TTK: variants seen among roughly 807,000 people sequenced by gnomAD.
The protein encoded by TTK is dual specificity protein kinase TTK.
Under a neutral mutation model 117.3 loss-of-function variants are expected in TTK, and 59 were observed. The observed-to-expected ratio is 0.50, with a 90% CI of 0.41 to 0.62. The LOEUF (loss-of-function observed/expected upper bound fraction) is 0.62. TTK is among the 20% of genes least tolerant of loss of function. The probability of loss-of-function intolerance (pLI) is 0.00; values close to 1 mark genes in which losing one functional copy is unlikely to be tolerated. For synonymous variants in TTK, 302 were observed against 325.0 expected, an observed-to-expected ratio of 0.93 and a Z score of 0.76; for missense variants, 921 against 989.4, an observed-to-expected ratio of 0.93 and a Z score of 0.93.
rs1422850346 is a variant in TTK, at chr6:80,036,657, G to A, written c.2049+58G>A. 8.0e-6 allele frequency: 12 copies of A among 1,502,924 alleles called. No individual in the cohort carries two copies. The Admixed American group carries it at 2.7e-4, about 34-fold the overall frequency. The allele number at this position is 1,502,924 out of a possible 1,614,324, so 93.1% of individuals were successfully genotyped here. A position where few individuals can be genotyped will look rare whatever the true frequency, so the allele number is the denominator to read the frequency against. On this transcript the variant is annotated intron_variant, in intron 17 of 21. Transcript: ENST00000369798. ...GTTCAATTCTTTTTTTACCTGTGAA[G>A]TATTATATTGCAAATGAGTGTTATA...
chr6:80,034,950 G>A (rs1767855016), intron 14 of TTK, 35 bp from the exon 15 acceptor site: 2 of 1,421,774 alleles, frequency 1.4e-6, no homozygotes, highest in East Asian at 2.5e-5. Flanking sequence ...TGTATAAATA[G>A]TATATTCTAA....
intron 2 of TTK, 57 bp from the exon 3 acceptor site, chr6:80,007,752 C>A: frequency 1.4e-6 from 2 of 1,423,694 alleles, no homozygotes; most frequent in Admixed American, 2.2e-5. Flanking sequence ...AGGAAAAATG[C>A]AATTTGGCAT....
At chr6:80,039,673 G>A (rs3799493) in intron 18 of TTK, 23 bp from the exon 19 acceptor site, 73,716 of 1,476,088 alleles carry the variant, frequency 0.05, 2,159 homozygotes, top group South Asian at 0.11. Context: ...CAACTTTTTT[G>A]TGTTTGTTTG....
At chr6:80,015,020 A>G (rs930888620) in intron 10 of TTK, among the ~76,000 whole-genome samples, 1 of 152,200 alleles carries the variant, frequency 6.6e-6, no homozygotes, top group Non-Finnish European at 1.5e-5. Flanking sequence ...ACACAGAGAT[A>G]TATAAATGCA....
chr6:80,008,000 AG>A lies in TTK; in HGVS notation c.332del (p.Arg111LysfsTer4). The A allele has an allele frequency of 6.2e-7, 1 of 1,613,538 alleles. No homozygotes were observed. Among genetic ancestry groups the A allele is most frequent in the Non-Finnish European group, 8.5e-7 (1 of 1,179,568 alleles). On this transcript the variant is annotated frameshift_variant, in exon 3 of 22. Coordinates refer to ENST00000369798, the MANE Select transcript of TTK (RefSeq NM_003318.5). LOFTEE classifies it high-confidence loss of function. ...ATATGGCCAAAATGAGAGTTTTGCT[AG>A]AATTCAAGTGAGATTTGCTGAATTA... ...DKYGQNESFARIQVRFAELKA... is the reference protein window; with the variant it reads ...DKYGQNESFAXIQVRFAELKA...
chr6:80,029,300 A>G (rs1445973082), intron 13 of TTK, among the ~76,000 whole-genome samples: 1 of 152,312 alleles, frequency 6.6e-6, no homozygotes, highest in Non-Finnish European at 1.5e-5. Context: ...GTACCTAAAA[A>G]TGGTTAAAGT....
intron 2 of TTK, 32 bp from the exon 3 acceptor site, chr6:80,007,777 T>C (rs201128485): frequency 4.2e-4 from 657 of 1,557,744 alleles, no homozygotes; most frequent in Non-Finnish European, 5.3e-4. Flanking sequence ...TTTATGTCTT[T>C]TCTTGTGATA....
At chr6:80,028,606 C>G (rs907433178) in intron 13 of TTK, among the ~76,000 whole-genome samples, 1 of 152,122 alleles carries the variant, frequency 6.6e-6, no homozygotes, top group African/African-American at 2.4e-5. Flanking sequence ...GCATGAGCCA[C>G]TGCGCCTGGC....
chr6:80,014,591 G>A lies in TTK; in HGVS notation c.1108+5G>A, dbSNP rs774737358. 19 of 1,594,504 alleles carry A rather than the reference G, an allele frequency of 1.2e-5. No individual in the cohort carries two copies. Among genetic ancestry groups the A allele is most frequent in the Non-Finnish European group, 1.6e-5 (19 of 1,172,414 alleles). On this transcript the variant is annotated splice_donor_5th_base_variant and intron_variant, in intron 10 of 21. Coordinates refer to ENST00000369798, the MANE Select transcript of TTK (RefSeq NM_003318.5). ...GTCTTCTAGCTAAATTAGAAGGTAA[G>A]AGTAACAAAATCAGTAGACTTGTAT...
In TTK at chr6:80,042,317, C is replaced by CA. The variant is rs936770419; in HGVS notation, c.*123dup. 223 of 756,092 alleles carry CA rather than the reference C, an allele frequency of 2.9e-4. No individual in the cohort carries two copies. The highest frequency in any genetic ancestry group is 1.9e-3 in the African/African-American group (106 of 56,816). The allele number at this position is 756,092 out of a possible 1,614,324, so 46.8% of individuals were successfully genotyped here. ...CAACATCACTCTGAAGTGTTATCAGCAAAAAAAATTCAGTAGATTATCTTT... is the reference window on the plus strand; with the variant it reads ...CAACATCACTCTGAAGTGTTATCAGCAAAAAAAAATTCAGTAGATTATCTTT... On this transcript the variant is annotated 3_prime_UTR_variant, in exon 22 of 22. Coordinates refer to ENST00000369798, the MANE Select transcript of TTK (RefSeq NM_003318.5).
At chr6:80,038,119 AC>A in intron 18 of TTK, 72 bp downstream of exon 18, 1 of 1,073,528 alleles carries the variant, frequency 9.3e-7, no homozygotes, top group Non-Finnish European at 1.3e-6. Flanking sequence ...GAATAAACTT[AC>A]CAGATAACAA....
intron 11 of TTK, among the ~76,000 whole-genome samples, chr6:80,025,860 T>C (rs1372394109): frequency 3.3e-5 from 4 of 119,612 alleles, no homozygotes; most frequent in African/African-American, 1.3e-4. Context: ...CTATAGGTTC[T>C]TTTTTTTTTT....
At chr6:80,040,124 G>A (rs116965271) in intron 19 of TTK, 72 bp from the exon 20 acceptor site, 29,478 of 1,205,268 alleles carry the variant, frequency 0.024, 467 homozygotes, top group Non-Finnish European at 0.03. Context: ...ATGTAATCTG[G>A]AAAAATACTT....
chr6:80,037,406 A>G (rs1211730649), intron 17 of TTK: 1 of 152,322 alleles, frequency 6.6e-6, no homozygotes, highest in Non-Finnish European at 1.5e-5. Flanking sequence ...CATGTATTTT[A>G]GAAGAAAATG....
intron 9 of TTK, 92 bp downstream of exon 9, chr6:80,013,458 A>G (rs1022142851): frequency 2.9e-6 from 3 of 1,047,390 alleles, no homozygotes; most frequent in Non-Finnish European, 4.2e-6. Context: ...AGGGTTTATA[A>G]ATAGTTCATG....
chr6:80,018,121 G>A (rs1012230315), intron 10 of TTK, among the ~76,000 whole-genome samples: 2 of 151,680 alleles, frequency 1.3e-5, no homozygotes, highest in South Asian at 2.1e-4. Flanking sequence ...ACTGCAATGA[G>A]CCATGATCAC....
intron 11 of TTK, among the ~76,000 whole-genome samples, chr6:80,025,395 A>T (rs772272051): frequency 9.2e-5 from 14 of 152,232 alleles, no homozygotes; most frequent in Non-Finnish European, 1.8e-4. Context: ...TCAAGTGCGT[A>T]ATGAGGACCA....
At chr6:80,040,004 A>G (rs545310133) in intron 19 of TTK, 132 bp downstream of exon 19, 3 of 1,023,110 alleles carry the variant, frequency 2.9e-6, no homozygotes, top group African/African-American at 1.7e-5. Context: ...TTTACTTTGA[A>G]GATGTTTTAA....
At chr6:80,026,332 C>A (rs753706611) in intron 11 of TTK, 46 bp from the exon 12 acceptor site, 3 of 1,571,866 alleles carry the variant, frequency 1.9e-6, no homozygotes, top group Non-Finnish European at 2.6e-6. Context: ...AGTGAACAGG[C>A]AACTAATTTA....
Sources: allele counts gnomAD v4.1 joint callset (sites outside exome capture counted in the v4.1 genomes callset), GRCh38; gene constraint gnomAD v4.1.1; transcripts MANE v1.5; gene names NCBI Gene and HGNC (gene_info 2026-07-23, HGNC 2026-07-21).